Variants in RAF1 observed in about 807,000 individuals in gnomAD.
The protein encoded by RAF1 is RAF proto-oncogene serine/threonine-protein kinase.
A neutral mutation model predicts 81.1 loss-of-function variants in RAF1; 27 were observed. The ratio of observed to expected loss-of-function variants is 0.33; its 90% CI spans 0.25 to 0.46. RAF1 has a LOEUF of 0.46. Among genes scored for constraint, RAF1 ranks in the 20% least tolerant of loss-of-function variants. RAF1 has a pLI of 1.00. For synonymous variants in RAF1, 298 were observed against 294.0 expected (o/e 1.01, Z -0.14); for missense variants, 598 against 826.0 (o/e 0.72, Z 3.38).
intron 5 of RAF1, among the ~76,000 whole-genome samples, chr3:12,608,233 T>C (rs3773349): frequency 0.21 from 32,118 of 152,108 alleles, 3,649 homozygotes; most frequent in African/African-American, 0.29. Flanking sequence ...TTAATAACAT[T>C]TTATCTATAT....
intron 1 of RAF1, among the ~76,000 whole-genome samples, chr3:12,641,482 GT>G (rs1341302472): frequency 7.0e-6 from 1 of 142,226 alleles, no homozygotes; most frequent in African/African-American, 2.6e-5. Context: ...AAAAAAAAAT[GT>G]TTTTTGGTTT....
Position 12,612,703 on chromosome 3 carries a change from G to A in RAF1, c.208-641C>T, listed in dbSNP as rs182376635. On this transcript the variant is annotated intron_variant, in intron 2 of 17. Coordinates refer to ENST00000442415, the MANE Select transcript of RAF1 (RefSeq NM_001354689.3). ...TCTGTATATGTTATACAAGTGGAAAGATTTACACCTAGCTGTTCACATCAA... is the reference window on the plus strand; with the variant it reads ...TCTGTATATGTTATACAAGTGGAAAAATTTACACCTAGCTGTTCACATCAA... Among the ~76,000 whole-genome samples, 188 of 149,072 alleles carry A rather than the reference G, an allele frequency of 1.3e-3. 1 individual carries two copies. Among genetic ancestry groups the A allele is most frequent in the Non-Finnish European group, 2.4e-3 (159 of 67,506 alleles).
At chr3:12,592,375 T>G (rs1264758871) in intron 11 of RAF1, among the ~76,000 whole-genome samples, 1 of 152,216 alleles carries the variant, frequency 6.6e-6, no homozygotes, top group African/African-American at 2.4e-5. Context: ...AATTCAGAGA[T>G]ATATATTGAA....
chr3:12,631,279 A>C (rs996128451), intron 1 of RAF1, among the ~76,000 whole-genome samples: 3 of 152,138 alleles, frequency 2.0e-5, no homozygotes, highest in Admixed American at 6.6e-5. Flanking sequence ...TAAAGATATT[A>C]TTTATCTAAT....
At chr3:12,620,871 A>G (rs11705805) in intron 1 of RAF1, among the ~76,000 whole-genome samples, 54,196 of 151,774 alleles carry the variant, frequency 0.36, 12,436 homozygotes, top group East Asian at 0.87. Flanking sequence ...TTTAAAGTCC[A>G]TGAATTTTCT....
chr3:12,587,603 T>A lies in RAF1; in HGVS notation c.1465A>T (p.Met489Leu). The change falls in exon 14 of 18, where the codon ATG becomes TTG. Residue 489 changes from methionine (M) to leucine (L), a missense_variant. Physicochemically the swap from Met to Leu is conservative, Grantham distance 15. Around this residue, in one of 5 missense-constraint regions of RAF1, gnomAD observed 85 missense variants for 185.6 expected, o/e 0.46. Coordinates refer to ENST00000442415, the MANE Select transcript of RAF1 (RefSeq NM_001354689.3). ...AACCAAAGGATACTGTTGGATTTCATGTCTCTATGGATGATGTTCTTTGCA... is the reference window on the plus strand; with the variant it reads ...AACCAAAGGATACTGTTGGATTTCAAGTCTCTATGGATGATGTTCTTTGCA... 6.2e-7 allele frequency: 1 copy of A among 1,610,254 alleles called. No homozygotes were observed. Among genetic ancestry groups the A allele is most frequent in the Non-Finnish European group, 8.5e-7 (1 of 1,176,434 alleles).
chr3:12,615,459 T>C lies in RAF1; in HGVS notation c.207+3056A>G, dbSNP rs142269354. 2.8e-3 allele frequency among the ~76,000 whole-genome samples: 432 copies of C among 152,302 alleles called. 2 individuals are homozygous for C. The highest frequency in any genetic ancestry group is 9.8e-3 in the African/African-American group (409 of 41,578). On this transcript the variant is annotated intron_variant, in intron 2 of 17. Transcript: ENST00000442415. Reference sequence around the variant, plus strand: ...ATTTCTAGAACCCACTGAGTGATTATGAGAGTCATTCTGGGTTCAGGAAGT... The same window carrying C: ...ATTTCTAGAACCCACTGAGTGATTACGAGAGTCATTCTGGGTTCAGGAAGT...
intron 2 of RAF1, among the ~76,000 whole-genome samples, chr3:12,614,608 TAG>T (rs1268407908): frequency 2.7e-5 from 4 of 150,378 alleles, no homozygotes; most frequent in Non-Finnish European, 1.5e-5. Flanking sequence ...TTTTTTTTTG[TAG>T]AGACAAGATC....
chr3:12,639,994 C>T (rs1439175819), intron 1 of RAF1, among the ~76,000 whole-genome samples: 1 of 152,158 alleles, frequency 6.6e-6, no homozygotes, highest in African/African-American at 2.4e-5. Context: ...GTAACCAAAA[C>T]AGCATGGTAC....
intron 1 of RAF1, among the ~76,000 whole-genome samples, chr3:12,651,648 G>T (rs1226592180): frequency 1.5e-5 from 2 of 133,002 alleles, no homozygotes; most frequent in African/African-American, 5.3e-5. Context: ...AGCGAGACTT[G>T]GTCTCAAAAA....
chr3:12,625,232 C>T (rs1257278649), intron 1 of RAF1, among the ~76,000 whole-genome samples: 3 of 151,850 alleles, frequency 2.0e-5, no homozygotes, highest in South Asian at 4.2e-4. Context: ...CACAGGCATG[C>T]GCCACTATGT....
rs149732278 is a variant in RAF1, at chr3:12,651,003, C to G, written c.-27+12810G>C. Reference sequence around the variant, plus strand: ...AGTGTGCCCAGGGAATAAGCACAGACAAGCAGGTAAAGAAATGAGCCTGAT... The same window carrying G: ...AGTGTGCCCAGGGAATAAGCACAGAGAAGCAGGTAAAGAAATGAGCCTGAT... On this transcript the variant is annotated intron_variant, in intron 1 of 17. Transcript: ENST00000442415. Among the ~76,000 whole-genome samples the G allele has an allele frequency of 3.3e-3, 509 of 152,292 alleles. 4 individuals carry two copies. Among genetic ancestry groups the G allele is most frequent in the African/African-American group, 0.012 (497 of 41,580 alleles).
chr3:12,611,898 G>A (rs2125429536), intron 3 of RAF1, 52 bp downstream of exon 3: 4 of 1,267,548 alleles, frequency 3.2e-6, no homozygotes, highest in Non-Finnish European at 4.6e-6. Flanking sequence ...GCTATTTGAA[G>A]CTAGAAGATC....
chr3:12,587,837 C>CCTTTTTTT, intron 13 of RAF1, 200 bp from the exon 13 acceptor site: 1 of 193,316 alleles, frequency 5.2e-6, no homozygotes. Flanking sequence ...ATGCTTACAC[C>CCTTTTTTT]TTTTTTTTTT....
chr3:12,635,707 C>T (rs2060004395), intron 1 of RAF1, among the ~76,000 whole-genome samples: 1 of 150,416 alleles, frequency 6.6e-6, no homozygotes, highest in South Asian at 2.1e-4. Flanking sequence ...GGCGCGGTGG[C>T]TCACGCCTGT....
intron 1 of RAF1, among the ~76,000 whole-genome samples, chr3:12,663,428 T>G (rs1170832583): frequency 1.3e-5 from 2 of 152,170 alleles, no homozygotes; most frequent in African/African-American, 4.8e-5. Flanking sequence ...TGAGAAAGGG[T>G]GCAAGCCCGG....
intron 15 of RAF1, 68 bp from the exon 15 acceptor site, chr3:12,585,321 G>T: frequency 6.2e-7 from 1 of 1,605,010 alleles, no homozygotes. Flanking sequence ...ACATCTAGGG[G>T]CCAGGCTGTC....
At chr3:12,637,696 T>C (rs2060071709) in intron 1 of RAF1, among the ~76,000 whole-genome samples, 2 of 151,298 alleles carry the variant, frequency 1.3e-5, no homozygotes, top group African/African-American at 2.4e-5. Context: ...CTACTAAAGA[T>C]ACAAAAATCA....
intron 1 of RAF1, among the ~76,000 whole-genome samples, chr3:12,640,495 C>T (rs1330681073): frequency 3.9e-5 from 6 of 152,106 alleles, no homozygotes; most frequent in African/African-American, 1.4e-4. Flanking sequence ...TATCTAGCAT[C>T]TACAAAGAAC....
Sources: gnomAD v4.1 joint callset for allele counts (sites outside exome capture counted in the v4.1 genomes callset) on GRCh38, gnomAD v4.1.1 for gene constraint, gnomAD v4.1.1 regional missense constraint, MANE v1.5 for transcripts, NCBI Gene and HGNC (gene_info 2026-07-23, HGNC 2026-07-21) for gene names.